TNNI3K: variants seen among roughly 807,000 people sequenced by gnomAD.
TNNI3K encodes the protein serine/threonine-protein kinase TNNI3K.
TNNI3K carries 140 observed loss-of-function variants against 114.5 expected under a neutral mutation model. The ratio of observed to expected loss-of-function variants is 1.22; its 90% CI spans 1.07 to 1.41. The LOEUF (loss-of-function observed/expected upper bound fraction) is 1.41, where lower values mean the gene tolerates loss of function less well. Ranked by LOEUF, TNNI3K falls within the 40% of genes most tolerant of loss-of-function variation. The probability of loss-of-function intolerance (pLI) is 0.00; values close to 1 mark genes in which losing one functional copy is unlikely to be tolerated. For missense variants in TNNI3K, 1,125 were observed against 1,007.6 expected (o/e 1.12, Z -1.58); for synonymous variants, 347 against 347.5 (o/e 1.00, Z 0.02).
rs372397312 is a variant in TNNI3K, at chr1:74,247,835, T to C, written c.150-1624T>C. The stretch of plus-strand genomic sequence containing the variant: ...ACCCAACTCAGGAGCCCAGCTGACT[T>C]TGCCTAGTAGATCCCACGCAGGGGC... On this transcript the variant is annotated intron_variant, in intron 2 of 24. Transcript: ENST00000326637. 2.6e-5 allele frequency among the ~76,000 whole-genome samples: 4 copies of C among 152,182 alleles called. No homozygotes were observed. The East Asian group carries it at 5.8e-4, about 22-fold the overall frequency.
intron 9 of TNNI3K, among the ~76,000 whole-genome samples, chr1:74,350,207 G>T (rs1450907492): frequency 2.6e-5 from 4 of 152,038 alleles, no homozygotes; most frequent in East Asian, 1.9e-4. Context: ...ACATCTTTAT[G>T]TCTGCCTTCA....
intron 21 of TNNI3K, among the ~76,000 whole-genome samples, chr1:74,474,049 C>T (rs747073708): frequency 1.5e-4 from 23 of 152,074 alleles, no homozygotes; most frequent in Non-Finnish European, 3.1e-4. Flanking sequence ...TGGCATAGAG[C>T]AGAATTTCTG....
At chr1:74,312,167 G>T (rs774430630) in intron 5 of TNNI3K, among the ~76,000 whole-genome samples, 1 of 152,180 alleles carries the variant, frequency 6.6e-6, no homozygotes, top group Non-Finnish European at 1.5e-5. Flanking sequence ...TGGAAAGAAA[G>T]TCGGGGGGAG....
chr1:74,492,162 G>C lies in TNNI3K; in HGVS notation c.2247G>C (p.Leu749=), dbSNP rs201971189. 1 of 1,613,050 alleles carries C rather than the reference G, an allele frequency of 6.2e-7. No homozygotes were observed. The highest frequency in any genetic ancestry group is 1.7e-5 in the Admixed American group (1 of 60,000). ...SLSPSSSSDC[L]VNRGGPGRSH... ...CACCTTCTTCTTCTTCTGATTGCCT[G>C]GTGAACCGGGGAGGACCTGGCCGGA... Residue 749 remains leucine, a synonymous_variant, in exon 23 of 25, where the codon CTG becomes CTC. Transcript: ENST00000326637.
At chr1:74,404,239 C>T (rs1288606078) in intron 17 of TNNI3K, among the ~76,000 whole-genome samples, 7 of 152,106 alleles carry the variant, frequency 4.6e-5, no homozygotes, top group Admixed American at 1.3e-4. Context: ...TCCCCATCCC[C>T]AAACCTATCA....
chr1:74,271,029 C>T (rs17095047), intron 4 of TNNI3K, among the ~76,000 whole-genome samples: 11,024 of 151,418 alleles, frequency 0.073, 499 homozygotes, highest in African/African-American at 0.12. Context: ...ACTGGTAAAA[C>T]GAGTCAAGTT....
intron 5 of TNNI3K, among the ~76,000 whole-genome samples, chr1:74,278,999 T>A (rs1232132376): frequency 6.6e-6 from 1 of 152,216 alleles, no homozygotes; most frequent in African/African-American, 2.4e-5. Flanking sequence ...CAGATTCAAC[T>A]GATAGTGTAA....
chr1:74,491,991 T>A (rs1669100412), intron 22 of TNNI3K, 106 bp from the exon 23 acceptor site: 2 of 1,364,808 alleles, frequency 1.5e-6, no homozygotes, highest in Admixed American at 5.1e-5. Context: ...GAATAGAAAT[T>A]AAAATATGGG....
intron 17 of TNNI3K, among the ~76,000 whole-genome samples, chr1:74,393,562 C>T (rs1663910008): frequency 6.6e-6 from 1 of 152,124 alleles, no homozygotes; most frequent in Admixed American, 6.5e-5. Context: ...TCTAAACACA[C>T]AAGCCAGTTT....
chr1:74,255,353 C>CAA (rs10716634), intron 4 of TNNI3K, among the ~76,000 whole-genome samples: 7,779 of 100,922 alleles, frequency 0.077, 290 homozygotes, highest in Middle Eastern at 0.092. Flanking sequence ...GACTCCGTCT[C>CAA]AAAAAAAAAA....
chr1:74,235,405 T>G lies in TNNI3K; in HGVS notation c.-47T>G. 1 of 1,349,660 alleles carries G rather than the reference T, an allele frequency of 7.4e-7. No individual in the cohort carries two copies. Among genetic ancestry groups the G allele is most frequent in the South Asian group, 1.3e-5 (1 of 78,132 alleles). The allele number at this position is 1,349,660 out of a possible 1,614,324, so 83.6% of individuals were successfully genotyped here. On this transcript the variant is annotated 5_prime_UTR_variant, in exon 1 of 25. Transcript: ENST00000326637. ...TGTCACTGCACTTGAACTTGGAATC[T>G]TATAACTTGAAGAACTGCCCTGGAG...
chr1:74,467,149 C>T (rs1013669235), intron 21 of TNNI3K, among the ~76,000 whole-genome samples: 2 of 152,054 alleles, frequency 1.3e-5, no homozygotes, highest in Non-Finnish European at 2.9e-5. Context: ...GTCTAAGCAA[C>T]CAGAACATAC....
chr1:74,419,967 T>C (rs1382070839), intron 17 of TNNI3K, among the ~76,000 whole-genome samples: 1 of 152,074 alleles, frequency 6.6e-6, no homozygotes, highest in East Asian at 1.9e-4. Flanking sequence ...TAAATGGCTA[T>C]ACATCAAAGA....
chr1:74,310,937 T>A (rs534802365), intron 5 of TNNI3K, among the ~76,000 whole-genome samples: 4 of 152,284 alleles, frequency 2.6e-5, no homozygotes, highest in Non-Finnish European at 4.4e-5. Context: ...TGCTATAACC[T>A]CTACTACCTC....
chr1:74,304,324 A>T (rs1037109510), intron 5 of TNNI3K, among the ~76,000 whole-genome samples: 1 of 152,186 alleles, frequency 6.6e-6, no homozygotes, highest in Non-Finnish European at 1.5e-5. Flanking sequence ...CTTCAGCAAC[A>T]CCCACATCAG....
chr1:74,416,679 C>A, intron 17 of TNNI3K: 1 of 557,110 alleles, frequency 1.8e-6, no homozygotes, highest in Non-Finnish European at 2.3e-6. Flanking sequence ...TTTTCTTATT[C>A]TTACATTAAA....
At chr1:74,396,964 G>A (rs1322703625) in intron 17 of TNNI3K, among the ~76,000 whole-genome samples, 1 of 152,170 alleles carries the variant, frequency 6.6e-6, no homozygotes, top group East Asian at 1.9e-4. Context: ...AAACGATTGA[G>A]GAATTACTGA....
intron 5 of TNNI3K, among the ~76,000 whole-genome samples, chr1:74,282,125 C>T (rs1381658992): frequency 1.3e-5 from 2 of 151,884 alleles, no homozygotes; most frequent in East Asian, 3.9e-4. Context: ...CTGCCAATAA[C>T]AAATATCACA....
chr1:74,403,002 CATT>C (rs1318707808), intron 17 of TNNI3K, among the ~76,000 whole-genome samples: 40 of 152,208 alleles, frequency 2.6e-4, no homozygotes, highest in African/African-American at 9.4e-4. Context: ...GAAATTCCAT[CATT>C]ATTTTTTCAT....
Sources: gnomAD v4.1 joint callset for allele counts (sites outside exome capture counted in the v4.1 genomes callset) on GRCh38, gnomAD v4.1.1 for gene constraint, MANE v1.5 for transcripts, NCBI Gene and HGNC (gene_info 2026-07-23, HGNC 2026-07-21) for gene names.